KEL: variants seen among roughly 807,000 people sequenced by gnomAD.
The protein encoded by KEL is Kell metallo-endopeptidase (Kell blood group), also known as kell blood group glycoprotein.
In KEL, 96 loss-of-function variants were observed where a neutral mutation model predicts 99.5. The observed-to-expected ratio is 0.97, with a 90% CI of 0.82 to 1.14. The LOEUF (loss-of-function observed/expected upper bound fraction) is 1.14. KEL is among the 50% of genes most tolerant of loss of function. KEL has a pLI of 0.00. For synonymous variants in KEL, 355 were observed against 354.8 expected, an observed-to-expected ratio of 1.00 and a Z score of -0.01; for missense variants, 926 against 924.2, an observed-to-expected ratio of 1.00 and a Z score of -0.03.
intron 11 of KEL, among the ~76,000 whole-genome samples, chr7:142,945,754 G>A (rs1445776363): frequency 6.6e-6 from 1 of 151,918 alleles, no homozygotes; most frequent in African/African-American, 2.4e-5. Context: ...TCGGCCTCCC[G>A]AGTAGCTGGG....
intron 10 of KEL, among the ~76,000 whole-genome samples, chr7:142,951,095 A>T (rs939435464): frequency 1.3e-5 from 2 of 152,376 alleles, no homozygotes; most frequent in Middle Eastern, 3.4e-3. Context: ...AGAAAGGTGA[A>T]GTGGCGTCCC....
intron 4 of KEL, 106 bp from the exon 5 acceptor site, chr7:142,958,534 C>T: frequency 4.9e-6 from 5 of 1,025,812 alleles, no homozygotes; most frequent in Non-Finnish European, 7.4e-6. Context: ...CATAAGTTCT[C>T]ATCAGATGGG....
intron 3 of KEL, 81 bp from the exon 4 acceptor site, chr7:142,961,185 G>A (rs1796947928): frequency 1.3e-6 from 2 of 1,539,096 alleles, no homozygotes; most frequent in East Asian, 4.5e-5. Flanking sequence ...AGAACATCAG[G>A]TGAGTAACTA....
chr7:142,957,100 A>G (rs958458151), intron 6 of KEL, among the ~76,000 whole-genome samples: 3 of 152,252 alleles, frequency 2.0e-5, no homozygotes, highest in African/African-American at 4.8e-5. Context: ...TGCTGAGAGC[A>G]TGAGGAAACG....
At chr7:142,946,593 G>C in intron 10 of KEL, 1 of 508,422 alleles carries the variant, frequency 2.0e-6, no homozygotes. Context: ...CATCATCCTG[G>C]GGTTTCAAAA....
rs762609357 is a variant in KEL, at chr7:142,941,211, T to C, written c.*41A>G. 1.0e-5 allele frequency: 16 copies of C among 1,604,224 alleles called. No homozygotes were observed. In the East Asian group the frequency reaches 3.1e-4, roughly 31 times the overall value. ...TTCCATGGATGTGACCAGGGAGGTG[T>C]TGGTCGATATTTCTGTGCTGTGGCA... On this transcript the variant is annotated 3_prime_UTR_variant, in exon 19 of 19. Coordinates refer to ENST00000355265, the MANE Select transcript of KEL (RefSeq NM_000420.3).
Position 142,943,574 on chromosome 7 carries a change from C to T in KEL, c.1615G>A (p.Val539Ile), listed in dbSNP as rs530961865. ...TCAGATACCGAATAGTAAGCATTGA[C>T]GTCCCAAGGGGACACCTTCCACCTG... The part of the protein sequence containing the change: ...QHRWKVSPWD[V>I]NAYYSVSDHV... Residue 539 changes from valine (V) to isoleucine (I), a missense_variant, in exon 15 of 19, where the codon GTC (valine) becomes ATC (isoleucine). Transcript: ENST00000355265. 7.6e-5 allele frequency: 122 copies of T among 1,614,008 alleles called. 1 individual carries two copies. In the Admixed American group the frequency reaches 1.8e-3, roughly 24 times the overall value.
rs1393396357 is a variant in KEL, at chr7:142,961,026, G to A, written c.302C>T (p.Thr101Ile). 2 of 1,614,092 alleles carry A rather than the reference G, an allele frequency of 1.2e-6. No homozygotes were observed. The highest frequency in any genetic ancestry group is 1.7e-6 in the Non-Finnish European group (2 of 1,180,046). Residue 101 changes from threonine (T) to isoleucine (I), a missense_variant, in exon 4 of 19, where the codon ACC becomes ATC. By Grantham distance (89) the Thr-to-Ile change is moderately conservative (BLOSUM62 -1). Coordinates refer to ENST00000355265, the MANE Select transcript of KEL (RefSeq NM_000420.3). ...ASGNTSVAPC[T>I]DFFSFACGRA... ...TCCACAGGCAAAGCTGAAGAAGTCGGTGCAGGGGGCCACACTTGTGTTCCC... is the reference window on the plus strand; with the variant it reads ...TCCACAGGCAAAGCTGAAGAAGTCGATGCAGGGGGCCACACTTGTGTTCCC...
rs369741835 is a variant in KEL, at chr7:142,954,577, G to A, written c.673-50C>T. ...AAGCAGGGAGCATGGCGGATGGAGA[G>A]GGCAGGTGTGGGGAGGTGGGGAATA... On this transcript the variant is annotated intron_variant, in intron 6 of 18. Transcript: ENST00000355265. 6.6e-6 allele frequency: 10 copies of A among 1,525,364 alleles called. No homozygotes were observed. In the African/African-American group the frequency reaches 1.4e-4, roughly 21 times the overall value. 94.5% of individuals were successfully genotyped at this position (1,525,364 alleles called of 1,614,324 possible). A position where few individuals can be genotyped will look rare whatever the true frequency, so the allele number is the denominator to read the frequency against.
At chr7:142,945,455 G>A (rs1436594975) in intron 11 of KEL, among the ~76,000 whole-genome samples, 4 of 152,180 alleles carry the variant, frequency 2.6e-5, no homozygotes, top group African/African-American at 9.7e-5. Flanking sequence ...TTCATGCAAA[G>A]TTCTTGAAGG....
chr7:142,954,096 A>G (rs1796761522), intron 8 of KEL, 88 bp downstream of exon 8: 5 of 1,445,548 alleles, frequency 3.5e-6, no homozygotes, highest in Non-Finnish European at 4.8e-6. Flanking sequence ...AAAAGGTATT[A>G]AGGGCACTAG....
At chr7:142,943,145 G>A in intron 16 of KEL, 101 bp from the exon 17 acceptor site, 2 of 1,557,538 alleles carry the variant, frequency 1.3e-6, no homozygotes, top group Middle Eastern at 2.2e-4. Flanking sequence ...CAGCTCCCAG[G>A]AGCATGGCAA....
At chr7:142,943,133 A>G in intron 16 of KEL, 89 bp from the exon 17 acceptor site, 1 of 1,565,114 alleles carries the variant, frequency 6.4e-7, no homozygotes, top group South Asian at 1.1e-5. Flanking sequence ...CACAGACTGA[A>G]TCAGCTCCCA....
chr7:142,952,677 A>G, intron 9 of KEL, 39 bp from the exon 10 acceptor site: 1 of 1,611,896 alleles, frequency 6.2e-7, no homozygotes, highest in Non-Finnish European at 8.5e-7. Context: ...TACCCCAGGA[A>G]TCTGGGGATG....
At chr7:142,954,715 T>A (rs1796785241) in intron 6 of KEL, among the ~76,000 whole-genome samples, 188 bp from the exon 7 acceptor site, 1 of 151,902 alleles carries the variant, frequency 6.6e-6, no homozygotes, top group Admixed American at 6.6e-5. Context: ...AGAGTCCAGA[T>A]GTGAAAATGG....
chr7:142,961,276 A>G, intron 3 of KEL, 84 bp downstream of exon 3: 1 of 1,589,200 alleles, frequency 6.3e-7, no homozygotes, highest in Non-Finnish European at 8.6e-7. Flanking sequence ...CAGGGTGGGC[A>G]GAAGCCCCAG....
Position 142,943,037 on chromosome 7 carries a change from A to C in KEL, c.1779T>G (p.Pro593=), listed in dbSNP as rs1796410425. The C allele has an allele frequency of 6.2e-7, 1 of 1,614,090 alleles. No individual in the cohort carries two copies. Among genetic ancestry groups the C allele is most frequent in the Non-Finnish European group, 8.5e-7 (1 of 1,180,024 alleles). ...GGTTGTCACAGGCGAGGCAGCCCCC[A>C]GGCAGTACTGTTGAAAATGGGACAA... The part of the protein sequence containing the change: ...LLHIFYQLLL[P]GGCLACDNHA... The change falls in exon 17 of 19, where the codon CCT becomes CCG. Residue 593 remains proline, a synonymous_variant. Coordinates refer to ENST00000355265, the MANE Select transcript of KEL (RefSeq NM_000420.3).
At chr7:142,952,090 C>A (rs756536153) in intron 10 of KEL, among the ~76,000 whole-genome samples, 2 of 152,024 alleles carry the variant, frequency 1.3e-5, no homozygotes, top group Non-Finnish European at 2.9e-5. Context: ...TTGTGAAGCA[C>A]GTTTGAACAT....
chr7:142,955,555 G>T (rs1443131703), intron 6 of KEL, among the ~76,000 whole-genome samples: 1 of 152,110 alleles, frequency 6.6e-6, no homozygotes, highest in Non-Finnish European at 1.5e-5. Flanking sequence ...TATTTATCAT[G>T]ATACTGAGTT....
Sources: allele counts gnomAD v4.1 joint callset (sites outside exome capture counted in the v4.1 genomes callset), GRCh38; gene constraint gnomAD v4.1.1; transcripts MANE v1.5; gene names NCBI Gene and HGNC (gene_info 2026-07-23, HGNC 2026-07-21).